Variants in SPATA17 observed in about 807,000 individuals in gnomAD.
SPATA17 encodes the protein spermatogenesis-associated protein 17.
Under a neutral mutation model 62.2 loss-of-function variants are expected in SPATA17, and 53 were observed. The ratio of observed to expected loss-of-function variants is 0.85; its 90% confidence interval spans 0.68 to 1.07. The LOEUF (loss-of-function observed/expected upper bound fraction) is 1.07, where lower values mean the gene tolerates loss of function less well. Ranked by LOEUF, SPATA17 falls within the 50% of genes least tolerant of loss-of-function variation. The pLI is 0.00. For synonymous variants in SPATA17, 146 were observed against 146.8 expected, an observed-to-expected ratio of 0.99 and a Z score of 0.04; for missense variants, 466 against 425.5, an observed-to-expected ratio of 1.10 and a Z score of -0.84.
chr1:217,794,687 T>A (rs12094674), intron 8 of SPATA17, among the ~76,000 whole-genome samples: 3,869 of 152,280 alleles, frequency 0.025, 143 homozygotes, highest in African/African-American at 0.089. Flanking sequence ...CAACAATTGA[T>A]TAAAACTTGG....
chr1:217,705,613 G>C (rs1671716526), intron 5 of SPATA17, among the ~76,000 whole-genome samples: 4 of 151,496 alleles, frequency 2.6e-5, no homozygotes, highest in Admixed American at 2.0e-4. Flanking sequence ...ACTAATTTTT[G>C]TATTTTTAGG....
At chr1:217,773,895 T>C (rs1336030389) in intron 6 of SPATA17, among the ~76,000 whole-genome samples, 1 of 152,162 alleles carries the variant, frequency 6.6e-6, no homozygotes, top group Non-Finnish European at 1.5e-5. Context: ...AATATTTGAG[T>C]ACATATTTTG....
chr1:217,711,899 C>G (rs969437208), intron 5 of SPATA17, among the ~76,000 whole-genome samples: 1 of 152,092 alleles, frequency 6.6e-6, no homozygotes, highest in Non-Finnish European at 1.5e-5. Flanking sequence ...AATGGTCGTG[C>G]CTTAGTACCC....
chr1:217,807,178 G>T (rs1056809582), intron 9 of SPATA17, among the ~76,000 whole-genome samples: 3 of 148,864 alleles, frequency 2.0e-5, no homozygotes, highest in Non-Finnish European at 4.5e-5. Flanking sequence ...TGCATGTTCT[G>T]ACTTATAAGT....
At chr1:217,658,630 T>C (rs529248021) in intron 3 of SPATA17, among the ~76,000 whole-genome samples, 2 of 152,026 alleles carry the variant, frequency 1.3e-5, no homozygotes, top group Admixed American at 6.6e-5. Context: ...TGGTGGCAGG[T>C]GCCTGTAGTC....
intron 9 of SPATA17, among the ~76,000 whole-genome samples, chr1:217,837,688 T>C (rs2103005076): frequency 6.6e-6 from 1 of 152,296 alleles, no homozygotes; most frequent in Admixed American, 6.5e-5. Flanking sequence ...ATCTGCATTT[T>C]CCCTTTTGGG....
chr1:217,703,378 G>C (rs1053299246), intron 5 of SPATA17, among the ~76,000 whole-genome samples: 1 of 151,678 alleles, frequency 6.6e-6, no homozygotes, highest in African/African-American at 2.4e-5. Context: ...CGCCATGTTG[G>C]TCAGGCTGGT....
intron 6 of SPATA17, among the ~76,000 whole-genome samples, chr1:217,764,446 ATTG>A (rs2102965423): frequency 6.6e-6 from 1 of 152,164 alleles, no homozygotes; most frequent in Admixed American, 6.5e-5. Flanking sequence ...ATATTATTTC[ATTG>A]TTAGAGGTAC....
Position 217,701,645 on chromosome 1 carries a change from C to T in SPATA17, c.395+18284C>T, listed in dbSNP as rs538283977. Among the ~76,000 whole-genome samples, 94 of 152,206 alleles carry T rather than the reference C, an allele frequency of 6.2e-4. 1 individual carries two copies. Among genetic ancestry groups the T allele is most frequent in the African/African-American group, 2.0e-3 (82 of 41,528 alleles). On this transcript the variant is annotated intron_variant, in intron 5 of 10. Coordinates refer to ENST00000366933, the MANE Select transcript of SPATA17 (RefSeq NM_138796.4). ...CAGGTGATTCACCTGCCTCGGCCTC[C>T]CAAAGTGCTGTGACTAGAGGTGTGA...
At chr1:217,675,012 G>T (rs1670915573) in intron 4 of SPATA17, among the ~76,000 whole-genome samples, 1 of 152,154 alleles carries the variant, frequency 6.6e-6, no homozygotes, top group Non-Finnish European at 1.5e-5. Flanking sequence ...TCTCACTCTG[G>T]GTCACGGATT....
intron 6 of SPATA17, among the ~76,000 whole-genome samples, chr1:217,761,944 G>A (rs147596940): frequency 2.0e-5 from 3 of 152,196 alleles, no homozygotes; most frequent in South Asian, 2.1e-4. Flanking sequence ...GAGGTCACCC[G>A]TCACCTTCTG....
At chr1:217,788,344 T>G (rs561567246) in intron 8 of SPATA17, among the ~76,000 whole-genome samples, 1 of 138,432 alleles carries the variant, frequency 7.2e-6, no homozygotes, top group Admixed American at 7.4e-5. Flanking sequence ...TTCAATTAAT[T>G]TTCTGTTAGG....
chr1:217,856,784 T>G (rs1002321125), intron 9 of SPATA17, among the ~76,000 whole-genome samples: 1 of 152,196 alleles, frequency 6.6e-6, no homozygotes, highest in African/African-American at 2.4e-5. Context: ...TATTCTTTTG[T>G]CAGAACTGTA....
At chr1:217,699,599 G>C (rs1671545722) in intron 5 of SPATA17, among the ~76,000 whole-genome samples, 1 of 151,896 alleles carries the variant, frequency 6.6e-6, no homozygotes, top group Non-Finnish European at 1.5e-5. Flanking sequence ...ATGTATTCTG[G>C]ATACATATTT....
intron 9 of SPATA17, among the ~76,000 whole-genome samples, chr1:217,859,022 C>A (rs542370348): frequency 2.7e-5 from 4 of 149,208 alleles, no homozygotes; most frequent in African/African-American, 7.4e-5. Context: ...AGCGAGACTC[C>A]GTCTCAAAAA....
At chr1:217,685,412 C>G (rs578032425) in intron 5 of SPATA17, among the ~76,000 whole-genome samples, 1 of 152,246 alleles carries the variant, frequency 6.6e-6, no homozygotes, top group South Asian at 2.1e-4. Context: ...AGGAATATCT[C>G]TAGTCAGTAG....
In SPATA17 at chr1:217,641,694, G is replaced by T. The variant is rs114751174; in HGVS notation, c.69-7188G>T. On this transcript the variant is annotated intron_variant, in intron 1 of 10. Coordinates refer to ENST00000366933, the MANE Select transcript of SPATA17 (RefSeq NM_138796.4). ...GAGAAATAACAAGTATAATACAAGG[G>T]TATTTTTTCCTGAATCATATGAGAG... 3.3e-3 allele frequency among the ~76,000 whole-genome samples: 496 copies of T among 152,040 alleles called. 4 individuals are homozygous for T. Among genetic ancestry groups the T allele is most frequent in the African/African-American group, 0.011 (476 of 41,480 alleles).
At chr1:217,827,761 C>G (rs776081326) in intron 9 of SPATA17, among the ~76,000 whole-genome samples, 2 of 152,100 alleles carry the variant, frequency 1.3e-5, no homozygotes, top group African/African-American at 2.4e-5. Context: ...AAGCCATTAT[C>G]TTCAGCAAAC....
intron 9 of SPATA17, among the ~76,000 whole-genome samples, chr1:217,833,315 G>C (rs539924689): frequency 6.6e-6 from 1 of 152,306 alleles, no homozygotes; most frequent in Non-Finnish European, 1.5e-5. Flanking sequence ...TCATCAACTG[G>C]AGAAGAAGTA....
Sources: allele counts gnomAD v4.1 joint callset (sites outside exome capture counted in the v4.1 genomes callset), GRCh38; gene constraint gnomAD v4.1.1; transcripts MANE v1.5; gene names NCBI Gene and HGNC (gene_info 2026-07-23, HGNC 2026-07-21).